The following TSPAN11 variants were observed in gnomAD, a reference collection of about 807,000 sequenced individuals.
TSPAN11 encodes the protein tetraspanin-11.
In TSPAN11, 29 loss-of-function variants were observed where a neutral mutation model predicts 32.9. The observed-to-expected ratio is 0.88, with a 90% CI of 0.66 to 1.20. The LOEUF (loss-of-function observed/expected upper bound fraction) is 1.20, where lower values mean the gene tolerates loss of function less well. Among genes scored for constraint, TSPAN11 ranks in the 50% most tolerant of loss-of-function variants. The pLI, the probability that TSPAN11 is intolerant of heterozygous loss-of-function variation, is 0.00. For missense variants in TSPAN11, 283 were observed against 329.1 expected (o/e 0.86, Z 1.08); for synonymous variants, 140 against 141.3 (o/e 0.99, Z 0.07).
intron 1 of TSPAN11, among the ~76,000 whole-genome samples, chr12:30,946,309 G>A (rs1230440711): frequency 1.3e-5 from 2 of 152,166 alleles, no homozygotes; most frequent in Non-Finnish European, 2.9e-5. Flanking sequence ...AACTTTGGGG[G>A]TAGACCCAGC....
chr12:30,988,770 A>G (rs1939254495), intron 7 of TSPAN11, among the ~76,000 whole-genome samples: 1 of 152,134 alleles, frequency 6.6e-6, no homozygotes, highest in African/African-American at 2.4e-5. Flanking sequence ...ACATCTGAAG[A>G]CATCAAGCCT....
intron 3 of TSPAN11, among the ~76,000 whole-genome samples, chr12:30,972,822 G>A (rs1220100811): frequency 6.6e-6 from 1 of 151,794 alleles, no homozygotes; most frequent in Non-Finnish European, 1.5e-5. Flanking sequence ...GGTGGGGGGA[G>A]GGCCACCTAG....
chr12:30,936,606 T>C (rs907987520), intron 1 of TSPAN11, among the ~76,000 whole-genome samples: 1 of 152,006 alleles, frequency 6.6e-6, no homozygotes, highest in African/African-American at 2.4e-5. Context: ...GATGGCTTAG[T>C]GTTGGGGTGG....
At chr12:30,942,992 T>C (rs1250070310) in intron 1 of TSPAN11, among the ~76,000 whole-genome samples, 2 of 152,206 alleles carry the variant, frequency 1.3e-5, no homozygotes, top group Non-Finnish European at 2.9e-5. Context: ...ACTGTGCCAC[T>C]GGCAGCCACT....
chr12:31,002,890 T>C, the TSPAN11 span, among the ~76,000 whole-genome samples: 1 of 152,098 alleles, frequency 6.6e-6, no homozygotes, highest in African/African-American at 2.4e-5. This position sits in a 1 kb window ranked among gnomAD's most constrained non-coding sequence, Gnocchi z 4.8. Context: ...CAGGCCCATG[T>C]TGGAAGGAGA....
chr12:30,982,728 C>A, intron 6 of TSPAN11, 38 bp downstream of exon 6: 1 of 1,522,576 alleles, frequency 6.6e-7, no homozygotes, highest in Non-Finnish European at 8.9e-7. Flanking sequence ...GAGGAGAGGG[C>A]CCTGGCCTGG....
downstream of TSPAN11, among the ~76,000 whole-genome samples, chr12:30,999,812 T>C (rs922749490): frequency 6.6e-6 from 1 of 152,046 alleles, no homozygotes; most frequent in African/African-American, 2.4e-5. Flanking sequence ...AAGCAACAGG[T>C]ACTAACCACA....
downstream of TSPAN11, chr12:30,998,824 C>T (rs949332603): frequency 6.6e-6 from 1 of 152,202 alleles, no homozygotes; most frequent in Non-Finnish European, 1.5e-5. Context: ...AGCCCAAATT[C>T]TACTTTAGAG....
intron 1 of TSPAN11, 56 bp from the exon 2 acceptor site, chr12:30,953,925 A>T: frequency 7.5e-7 from 1 of 1,334,860 alleles, no homozygotes; most frequent in Non-Finnish European, 1.1e-6. Context: ...TGGCTCTGGG[A>T]AGGACAAGGT....
At chr12:30,960,151 C>A (rs987891533) in intron 2 of TSPAN11, among the ~76,000 whole-genome samples, 2 of 151,310 alleles carry the variant, frequency 1.3e-5, no homozygotes, top group African/African-American at 2.4e-5. Flanking sequence ...GGTGATGGCG[C>A]GGCGCCATGT....
chr12:30,949,305 AC>A lies in TSPAN11; in HGVS notation c.-11-4675del, dbSNP rs532395901. ...TTCAGCAACATCCCACTCTACTGGT[AC>A]TAATTTACTATATTAGTCCATTTTC... On this transcript the variant is annotated intron_variant, in intron 1 of 7. Coordinates refer to ENST00000546076, the MANE Select transcript of TSPAN11 (RefSeq NM_001370302.1). Among the ~76,000 whole-genome samples, 26 of 152,308 alleles carry A rather than the reference AC, an allele frequency of 1.7e-4. No individual in the cohort carries two copies. The South Asian group carries it at 5.0e-3, about 29-fold the overall frequency.
Position 30,963,940 on chromosome 12 carries a change from G to A in TSPAN11, c.199G>A (p.Ala67Thr), listed in dbSNP as rs1436953506. 19 of 1,613,944 alleles carry A rather than the reference G, an allele frequency of 1.2e-5. No individual in the cohort carries two copies. Among genetic ancestry groups the A allele is most frequent in the Non-Finnish European group, 1.6e-5 (19 of 1,180,028 alleles). Residue 67 changes from alanine (A) to threonine (T), a missense_variant, in exon 3 of 8, where the codon GCG (alanine) becomes ACG (threonine). Coordinates refer to ENST00000546076, the MANE Select transcript of TSPAN11 (RefSeq NM_001370302.1). ...FAASAYILIF[A>T]GVLVMVTGFL... The stretch of plus-strand genomic sequence containing the variant: ...CGCCTCCGCCTACATCCTCATCTTT[G>A]CGGGCGTACTTGTCATGGTGACCGG...
chr12:30,963,280 C>T (rs1290288885), intron 2 of TSPAN11, among the ~76,000 whole-genome samples: 4 of 152,292 alleles, frequency 2.6e-5, no homozygotes, highest in African/African-American at 9.6e-5. Flanking sequence ...GGACCTTGGA[C>T]AATTTACCTT....
downstream of TSPAN11, among the ~76,000 whole-genome samples, chr12:30,997,909 C>T (rs375895109): frequency 1.7e-4 from 26 of 152,302 alleles, no homozygotes; most frequent in East Asian, 4.1e-3. Flanking sequence ...TGCAGGGGAG[C>T]TCCAGTCGCT....
In TSPAN11 at chr12:30,992,046, G is replaced by A. The variant is rs576838998; in HGVS notation, c.*131G>A. The A allele has an allele frequency of 8.7e-5, 88 of 1,007,452 alleles. No homozygotes were observed. The East Asian group carries it at 1.7e-3, about 19-fold the overall frequency. 62.4% of individuals were successfully genotyped at this position (1,007,452 alleles called of 1,614,324 possible). On this transcript the variant is annotated 3_prime_UTR_variant, in exon 8 of 8. Coordinates refer to ENST00000546076, the MANE Select transcript of TSPAN11 (RefSeq NM_001370302.1). ...CCCCTCCTTTGTGCCTAGCTCCTGC[G>A]AATCCACCGAGTGCCTGAGACCATA... is the stretch of plus-strand genomic sequence containing the variant.
In TSPAN11 at chr12:30,954,364, G is replaced by A. The variant is rs141264881; in HGVS notation, c.84+289G>A. On this transcript the variant is annotated intron_variant, in intron 2 of 7. Transcript: ENST00000546076. ...TCTAGCCCTGCTGTACAAAGGGTCC[G>A]GTTCTTTCTTCCCCACTAACTTGTT... is the stretch of plus-strand genomic sequence containing the variant. 4.5e-4 allele frequency: 162 copies of A among 360,560 alleles called. 1 individual carries two copies. The highest frequency in any genetic ancestry group is 7.2e-4 in the Admixed American group (16 of 22,222). The allele number at this position is 360,560 out of a possible 1,614,324, so 22.3% of individuals were successfully genotyped here.
intron 1 of TSPAN11, among the ~76,000 whole-genome samples, chr12:30,941,489 G>C (rs560241916): frequency 2.2e-4 from 34 of 152,366 alleles, no homozygotes; most frequent in African/African-American, 7.2e-4. Flanking sequence ...AACCCAGTAA[G>C]GAGGGTAGTC....
intron 1 of TSPAN11, among the ~76,000 whole-genome samples, chr12:30,931,555 G>T (rs1191819185): frequency 6.6e-6 from 1 of 152,038 alleles, no homozygotes; most frequent in Non-Finnish European, 1.5e-5. Context: ...TTTGATAGTT[G>T]GAAACCACGG....
chr12:30,962,464 T>C (rs1592479257), intron 2 of TSPAN11, among the ~76,000 whole-genome samples: 1 of 152,204 alleles, frequency 6.6e-6, no homozygotes. Flanking sequence ...ATCTGCAAAA[T>C]GCAGAATATG....
Sources: gnomAD v4.1 joint callset for allele counts (sites outside exome capture counted in the v4.1 genomes callset) on GRCh38, gnomAD v4.1.1 for gene constraint, Gnocchi (gnomAD v3.1) non-coding constraint, MANE v1.5 for transcripts, NCBI Gene and HGNC (gene_info 2026-07-23, HGNC 2026-07-21) for gene names.